The following CNDP1 variants were observed in gnomAD, a reference collection of about 807,000 sequenced individuals.
The protein encoded by CNDP1 is carnosine dipeptidase 1, also known as beta-Ala-His dipeptidase.
In CNDP1, 44 loss-of-function variants were observed where a neutral mutation model predicts 58.1. That is an observed-to-expected ratio of 0.76 (90% CI 0.60 to 0.97). The LOEUF (loss-of-function observed/expected upper bound fraction) is 0.97, where lower values mean the gene tolerates loss of function less well. Ranked by LOEUF, CNDP1 falls within the 50% of genes least tolerant of loss-of-function variation. The pLI is 0.00. For missense variants in CNDP1, 616 were observed against 655.1 expected (o/e 0.94, Z 0.65); for synonymous variants, 254 against 252.6 (o/e 1.01, Z -0.05).
At chr18:74,550,870 G>A (rs1268387887) in intron 1 of CNDP1, among the ~76,000 whole-genome samples, 2 of 151,976 alleles carry the variant, frequency 1.3e-5, no homozygotes, top group African/African-American at 4.8e-5. Flanking sequence ...AAAGTGCTGG[G>A]ATTACAGACG....
intron 1 of CNDP1, among the ~76,000 whole-genome samples, chr18:74,543,849 C>G (rs1351706944): frequency 6.6e-6 from 1 of 151,800 alleles, no homozygotes; most frequent in Non-Finnish European, 1.5e-5. Context: ...TTTTGGGAGG[C>G]CAAAGAAAGA....
At position 74,562,145 on chromosome 18, in the gene CNDP1, A is replaced by G; in HGVS notation, c.555+10A>G. The G allele has an allele frequency of 6.2e-7, 1 of 1,613,572 alleles. No individual in the cohort carries two copies. On this transcript the variant is annotated intron_variant, in intron 5 of 11. Coordinates refer to ENST00000358821, the MANE Select transcript of CNDP1 (RefSeq NM_032649.6). ...CAGAGCCCTGGAGCAAGTAGGTGGC[A>G]GCTGTGTTTGGGAGAGAGGAGGAGG... is the stretch of plus-strand genomic sequence containing the variant.
At chr18:74,536,827 C>CAGTTGTTTGATGTGAGATGGTATCTCATT (rs1980496813) in intron 1 of CNDP1, among the ~76,000 whole-genome samples, 1 of 151,944 alleles carries the variant, frequency 6.6e-6, no homozygotes, top group Non-Finnish European at 1.5e-5. Context: ...CTTTTTAATA[C>CAGTTGTTTGATGTGAGATGGTATCTCATT]AGTTGTTTGA....
chr18:74,537,956 A>G (rs983837674), intron 1 of CNDP1, among the ~76,000 whole-genome samples: 5 of 152,192 alleles, frequency 3.3e-5, no homozygotes, highest in African/African-American at 1.2e-4. Flanking sequence ...ATCCATGTAC[A>G]ATTTACTGCC....
chr18:74,552,790 A>G (rs2144649246), intron 1 of CNDP1, among the ~76,000 whole-genome samples: 1 of 152,342 alleles, frequency 6.6e-6, no homozygotes, highest in South Asian at 2.1e-4. Context: ...TGTCTTGGAT[A>G]TGTACTCAGG....
At chr18:74,573,709 G>A (rs1372672013) in intron 7 of CNDP1, among the ~76,000 whole-genome samples, 2 of 152,140 alleles carry the variant, frequency 1.3e-5, no homozygotes, top group East Asian at 3.9e-4. Flanking sequence ...AAATCTTTAG[G>A]AGCACATTTT....
In CNDP1 at chr18:74,583,646, G is replaced by T. The variant is rs755184072; in HGVS notation, c.1395G>T (p.Val465=). The T allele has an allele frequency of 3.7e-6, 6 of 1,614,000 alleles. No homozygotes were observed. The highest frequency in any genetic ancestry group is 5.1e-6 in the Non-Finnish European group (6 of 1,179,996). Reference sequence around the variant, plus strand: ...TCCAGGAGATCGTCCACAAGAGCGTGGTGCTAATTCCGCTGGGAGCTGTTG... The same window carrying T: ...TCCAGGAGATCGTCCACAAGAGCGTTGTGCTAATTCCGCTGGGAGCTGTTG... ...KMFQEIVHKS[V]VLIPLGAVDD... Residue 465 remains valine, a synonymous_variant, in exon 11 of 12, where the codon GTG becomes GTT. Coordinates refer to ENST00000358821, the MANE Select transcript of CNDP1 (RefSeq NM_032649.6).
chr18:74,538,091 G>C (rs577502263), intron 1 of CNDP1, among the ~76,000 whole-genome samples: 27 of 152,276 alleles, frequency 1.8e-4, no homozygotes, highest in African/African-American at 6.0e-4. Context: ...GTGGCTTTTA[G>C]TATATTCACT....
chr18:74,574,926 G>T (rs1981587502), intron 7 of CNDP1: 1 of 151,328 alleles, frequency 6.6e-6, no homozygotes, highest in South Asian at 2.1e-4. Context: ...TTGTGCCACT[G>T]CACTCCAGCC....
chr18:74,575,245 G>C (rs1052198418), intron 7 of CNDP1, among the ~76,000 whole-genome samples: 1 of 152,226 alleles, frequency 6.6e-6, no homozygotes, highest in African/African-American at 2.4e-5. Flanking sequence ...TGTATACTGA[G>C]AGAATAAAGT....
chr18:74,572,834 T>C (rs1277881552), intron 7 of CNDP1, among the ~76,000 whole-genome samples: 1 of 74,040 alleles, frequency 1.4e-5, no homozygotes, highest in African/African-American at 6.6e-5. Flanking sequence ...GAAAGAAAAA[T>C]AATAGAAAAA....
intron 1 of CNDP1, among the ~76,000 whole-genome samples, chr18:74,536,029 C>A (rs956676726): frequency 6.6e-6 from 1 of 152,034 alleles, no homozygotes; most frequent in African/African-American, 2.4e-5. Context: ...AAGACCCTGT[C>A]TGAAACAAAA....
At chr18:74,539,763 A>G (rs923257127) in intron 1 of CNDP1, among the ~76,000 whole-genome samples, 2 of 152,192 alleles carry the variant, frequency 1.3e-5, no homozygotes, top group African/African-American at 4.8e-5. Context: ...GGAAAGTTTC[A>G]AACATGCACA....
chr18:74,583,639 A>G lies in CNDP1; in HGVS notation c.1388A>G (p.Lys463Arg). ...AAAATGTTCCAGGAGATCGTCCACAAGAGCGTGGTGCTAATTCCGCTGGGA... is the reference window on the plus strand; with the variant it reads ...AAAATGTTCCAGGAGATCGTCCACAGGAGCGTGGTGCTAATTCCGCTGGGA... ...IAKMFQEIVH[K>R]SVVLIPLGAV... The change falls in exon 11 of 12, where the codon AAG (lysine) becomes AGG (arginine). Residue 463 changes from lysine to arginine, a missense_variant. Physicochemically the swap from Lys to Arg is conservative, Grantham distance 26 (BLOSUM62 2). Transcript: ENST00000358821. 1 of 1,614,110 alleles carries G rather than the reference A, an allele frequency of 6.2e-7. No homozygotes were observed.
At chr18:74,554,948 C>T (rs1158769458) in intron 1 of CNDP1, among the ~76,000 whole-genome samples, 1 of 152,052 alleles carries the variant, frequency 6.6e-6, no homozygotes, top group Non-Finnish European at 1.5e-5. Context: ...AAATAAGCAA[C>T]ATCGGCGGGG....
Position 74,586,326 on chromosome 18 carries a change from T to C in CNDP1, c.*1764T>C, listed in dbSNP as rs1283886139. 2 of 152,260 alleles carry C rather than the reference T, an allele frequency of 1.3e-5. No homozygotes were observed. The highest frequency in any genetic ancestry group is 1.3e-4 in the Admixed American group (2 of 15,288). 9.4% of individuals were successfully genotyped at this position (152,260 alleles called of 1,614,324 possible). On this transcript the variant is annotated 3_prime_UTR_variant, in exon 12 of 12. Coordinates refer to ENST00000358821, the MANE Select transcript of CNDP1 (RefSeq NM_032649.6). ...AGCAGGTGTTTGATATTTTGTGCTATTAAGTGTAGTTTGCGCTCATCTAAT... is the reference window on the plus strand; with the variant it reads ...AGCAGGTGTTTGATATTTTGTGCTACTAAGTGTAGTTTGCGCTCATCTAAT...
chr18:74,566,756 C>G (rs1568297460), intron 5 of CNDP1, among the ~76,000 whole-genome samples: 1 of 152,246 alleles, frequency 6.6e-6, no homozygotes, highest in Admixed American at 6.5e-5. Flanking sequence ...GCCCTTCAGA[C>G]TGTTCCAGTC....
At chr18:74,543,875 A>G (rs1401099286) in intron 1 of CNDP1, among the ~76,000 whole-genome samples, 1 of 152,034 alleles carries the variant, frequency 6.6e-6, no homozygotes, top group Non-Finnish European at 1.5e-5. Context: ...AGTTGAGCTC[A>G]GGAGTTCCAG....
intron 7 of CNDP1, among the ~76,000 whole-genome samples, chr18:74,575,560 T>C (rs1981610020): frequency 6.6e-6 from 1 of 152,336 alleles, no homozygotes; most frequent in Middle Eastern, 3.4e-3. Flanking sequence ...GCTGCTCTTA[T>C]GGATATTTAG....
Sources: allele counts gnomAD v4.1 joint callset (sites outside exome capture counted in the v4.1 genomes callset), GRCh38; gene constraint gnomAD v4.1.1; transcripts MANE v1.5; gene names NCBI Gene and HGNC (gene_info 2026-07-23, HGNC 2026-07-21).